The following LRRC40 variants were observed in gnomAD, a reference collection of about 807,000 sequenced individuals.
LRRC40 encodes the protein leucine rich repeat containing 40, also known as leucine-rich repeat-containing protein 40.
LRRC40 carries 76 observed loss-of-function variants against 72.8 expected under a neutral mutation model. The observed-to-expected ratio is 1.04, with a 90% CI of 0.87 to 1.26. LRRC40 has a LOEUF of 1.26. LRRC40 is among the 50% of genes most tolerant of loss of function. LRRC40 has a pLI of 0.00. For synonymous variants in LRRC40, 243 were observed against 254.2 expected, an observed-to-expected ratio of 0.96 and a Z score of 0.42; for missense variants, 684 against 698.9, an observed-to-expected ratio of 0.98 and a Z score of 0.24.
chr1:70,176,258 T>C (rs1400800830), intron 6 of LRRC40, among the ~76,000 whole-genome samples: 1 of 152,066 alleles, frequency 6.6e-6, no homozygotes, highest in Non-Finnish European at 1.5e-5. Flanking sequence ...GTAGGCTGGG[T>C]GCAGTGGCTC....
At position 70,152,504 on chromosome 1, in the gene LRRC40, G is replaced by A; in HGVS notation, c.1368C>T (p.Leu456=). 1 of 1,607,820 alleles carries A rather than the reference G, an allele frequency of 6.2e-7. No homozygotes were observed. Among genetic ancestry groups the A allele is most frequent in the South Asian group, 1.1e-5 (1 of 90,696 alleles). ...ATATAAAGGAAAGTTTATTAAAACTGAGATCGACATCAGAAACCATTTCCT... is the reference window on the plus strand; with the variant it reads ...ATATAAAGGAAAGTTTATTAAAACTAAGATCGACATCAGAAACCATTTCCT... The part of the protein sequence containing the change: ...ELKEMVSDVD[L]SFNKLSFISL... The change falls in exon 12 of 15, where the codon CTC becomes CTT. Residue 456 remains leucine (L), a synonymous_variant. Coordinates refer to ENST00000370952, the MANE Select transcript of LRRC40 (RefSeq NM_017768.5).
At chr1:70,173,943 T>C (rs1259906694) in intron 7 of LRRC40, among the ~76,000 whole-genome samples, 15 of 152,052 alleles carry the variant, frequency 9.9e-5, no homozygotes, top group Admixed American at 9.8e-4. Flanking sequence ...AAGTGAGCTA[T>C]AAAACATTTG....
At chr1:70,162,324 T>C (rs570044665) in intron 9 of LRRC40, among the ~76,000 whole-genome samples, 86 of 151,862 alleles carry the variant, frequency 5.7e-4, no homozygotes, top group Non-Finnish European at 1.0e-3. Flanking sequence ...CAGAGCTAGT[T>C]TGTCCCCTGA....
At chr1:70,186,690 G>A (rs1668365447) in intron 3 of LRRC40, among the ~76,000 whole-genome samples, 1 of 151,956 alleles carries the variant, frequency 6.6e-6, no homozygotes, top group Non-Finnish European at 1.5e-5. Context: ...ACAAACAAAG[G>A]CAAAGTTATT....
intron 1 of LRRC40, among the ~76,000 whole-genome samples, chr1:70,191,018 A>C (rs915993180): frequency 2.6e-5 from 4 of 152,144 alleles, no homozygotes; most frequent in African/African-American, 4.8e-5. Flanking sequence ...AGTAGGAAAG[A>C]GAAAAGGAGA....
chr1:70,200,115 T>A (rs1350689527), intron 1 of LRRC40, among the ~76,000 whole-genome samples: 1 of 152,214 alleles, frequency 6.6e-6, no homozygotes, highest in Admixed American at 6.5e-5. Flanking sequence ...GAATTTTAAC[T>A]GTTTTTCATT....
intron 9 of LRRC40, among the ~76,000 whole-genome samples, chr1:70,170,813 C>G (rs1203877940): frequency 6.6e-6 from 1 of 152,076 alleles, no homozygotes; most frequent in East Asian, 1.9e-4. Flanking sequence ...AATGCATAAA[C>G]TTTATCTTTG....
chr1:70,193,082 T>C (rs1345332651), intron 1 of LRRC40, among the ~76,000 whole-genome samples: 1 of 151,890 alleles, frequency 6.6e-6, no homozygotes, highest in East Asian at 1.9e-4. Context: ...CCCACAATGA[T>C]CTAAGCTACA....
intron 1 of LRRC40, among the ~76,000 whole-genome samples, chr1:70,192,152 T>G (rs187224188): frequency 2.0e-5 from 3 of 152,260 alleles, no homozygotes; most frequent in Admixed American, 6.5e-5. Flanking sequence ...CTTTGAGCAG[T>G]GTTTTGTAAT....
chr1:70,184,965 T>C (rs766316304), intron 3 of LRRC40, 51 bp from the exon 4 acceptor site: 70 of 1,457,898 alleles, frequency 4.8e-5, no homozygotes, highest in East Asian at 2.5e-4. Context: ...ATACAATAAA[T>C]ATTTATCAAA....
intron 1 of LRRC40, among the ~76,000 whole-genome samples, chr1:70,193,111 A>G (rs1040882372): frequency 6.6e-6 from 1 of 152,146 alleles, no homozygotes; most frequent in Admixed American, 6.6e-5. Flanking sequence ...AACCCAGAAA[A>G]AAGAATTAAT....
intron 1 of LRRC40, among the ~76,000 whole-genome samples, chr1:70,205,105 T>C (rs1173699947): frequency 6.6e-6 from 1 of 152,222 alleles, no homozygotes; most frequent in African/African-American, 2.4e-5. Context: ...CGTCACATAT[T>C]ATGTTGCTTA....
At chr1:70,181,370 T>C (rs1420007498) in intron 4 of LRRC40, among the ~76,000 whole-genome samples, 161 bp from the exon 5 acceptor site, 11 of 152,114 alleles carry the variant, frequency 7.2e-5, no homozygotes, top group Non-Finnish European at 1.5e-4. Context: ...ATTTCACAGA[T>C]CATCATTCAT....
intron 13 of LRRC40, among the ~76,000 whole-genome samples, chr1:70,149,247 A>G (rs1208458434): frequency 6.6e-6 from 1 of 152,212 alleles, no homozygotes; most frequent in Non-Finnish European, 1.5e-5. Context: ...AGGACCCCGC[A>G]GGGCACAAAG....
At chr1:70,185,959 CAG>C (rs749427585) in intron 3 of LRRC40, among the ~76,000 whole-genome samples, 17 of 152,140 alleles carry the variant, frequency 1.1e-4, no homozygotes, top group African/African-American at 2.6e-4. Flanking sequence ...TTACAAATAA[CAG>C]GGGGAAAATG....
chr1:70,178,747 C>T (rs1668165050), intron 6 of LRRC40, 104 bp downstream of exon 6: 2 of 622,910 alleles, frequency 3.2e-6, no homozygotes, highest in Admixed American at 3.5e-5. Flanking sequence ...GTACTTATAA[C>T]TAATACACAC....
intron 9 of LRRC40, among the ~76,000 whole-genome samples, chr1:70,164,112 G>A (rs1476327680): frequency 2.6e-5 from 4 of 151,900 alleles, no homozygotes; most frequent in Middle Eastern, 3.2e-3. Flanking sequence ...CCGGCCAGGT[G>A]CAGTGGCTGG....
chr1:70,189,843 G>C (rs1234978272), intron 1 of LRRC40, among the ~76,000 whole-genome samples: 1 of 152,198 alleles, frequency 6.6e-6, no homozygotes, highest in African/African-American at 2.4e-5. Flanking sequence ...AATTTGGCCA[G>C]GGTTACAAAG....
At chr1:70,184,549 T>C (rs1033921862) in intron 4 of LRRC40, among the ~76,000 whole-genome samples, 4 of 152,214 alleles carry the variant, frequency 2.6e-5, no homozygotes, top group Admixed American at 6.5e-5. Context: ...GTAATCTTCA[T>C]TGCACCTTTC....
Sources: gnomAD v4.1 joint callset for allele counts (sites outside exome capture counted in the v4.1 genomes callset) on GRCh38, gnomAD v4.1.1 for gene constraint, MANE v1.5 for transcripts, NCBI Gene and HGNC (gene_info 2026-07-23, HGNC 2026-07-21) for gene names.